Variants in TFEC observed in about 807,000 individuals in gnomAD.
TFEC encodes the protein class E basic helix-loop-helix protein 34.
Under a neutral mutation model 41.6 loss-of-function variants are expected in TFEC, and 31 were observed. The ratio of observed to expected loss-of-function variants is 0.74; its 90% CI spans 0.56 to 1.01. The LOEUF (loss-of-function observed/expected upper bound fraction) is 1.01, where lower values mean the gene tolerates loss of function less well. Among genes scored for constraint, TFEC ranks in the 50% least tolerant of loss-of-function variants. The pLI, the probability that TFEC is intolerant of heterozygous loss-of-function variation, is 0.00. For synonymous variants in TFEC, 143 were observed against 140.6 expected, an observed-to-expected ratio of 1.02 and a Z score of -0.12; for missense variants, 402 against 404.1, an observed-to-expected ratio of 0.99 and a Z score of 0.04.
chr7:115,985,095 T>C (rs1234489339), intron 1 of TFEC, among the ~76,000 whole-genome samples: 1 of 152,122 alleles, frequency 6.6e-6, no homozygotes. Context: ...ATTTTTTTAA[T>C]CTTATTTTTA....
At chr7:116,031,688 T>G (rs143581010), upstream of TFEC, among the ~76,000 whole-genome samples, 153 of 152,296 alleles carry the variant, frequency 1.0e-3, no homozygotes, top group Non-Finnish European at 1.0e-3. Context: ...AATTGTGCAA[T>G]TAAATTGACA....
intron 1 of TFEC, among the ~76,000 whole-genome samples, chr7:116,136,584 A>T (rs1798436547): frequency 6.6e-6 from 1 of 151,962 alleles, no homozygotes; most frequent in South Asian, 2.1e-4. Flanking sequence ...TTAATAAATC[A>T]TAGTATGTTT....
intron 3 of TFEC, among the ~76,000 whole-genome samples, chr7:116,085,111 A>G (rs772181221): frequency 8.6e-5 from 13 of 151,890 alleles, no homozygotes; most frequent in Non-Finnish European, 1.5e-4. Flanking sequence ...CAGAAGGAAC[A>G]GCATATGCAA....
chr7:116,149,591 T>C (rs1481820993), intron 1 of TFEC, among the ~76,000 whole-genome samples: 1 of 152,186 alleles, frequency 6.6e-6, no homozygotes, highest in South Asian at 2.1e-4. Context: ...GAAATTGTAT[T>C]CCTCAATGTA....
At chr7:116,158,625 T>C (rs1798916417) in intron 1 of TFEC, among the ~76,000 whole-genome samples, 1 of 152,134 alleles carries the variant, frequency 6.6e-6, no homozygotes, top group Non-Finnish European at 1.5e-5. Flanking sequence ...AAAAATTTGA[T>C]GTTCTGAAGT....
chr7:115,980,951 A>T (rs2130652281), intron 2 of TFEC, among the ~76,000 whole-genome samples: 1 of 152,262 alleles, frequency 6.6e-6, no homozygotes, highest in East Asian at 1.9e-4. Context: ...ATTGCATAAG[A>T]TTATATGAGA....
At position 116,128,185 on chromosome 7, in the gene TFEC, T is replaced by TCCCA. The variant is rs563041465; in HGVS notation, c.-68-16151_-68-16148dup. Among the ~76,000 whole-genome samples, 35 of 152,232 alleles carry TCCCA rather than the reference T, an allele frequency of 2.3e-4. No homozygotes were observed. In the South Asian group the frequency reaches 7.2e-3, roughly 32 times the overall value. On this transcript the variant is annotated intron_variant, in intron 1 of 8. Coordinates refer to the TFEC transcript ENST00000484212. ...AGGAAGTTTAACCAGGTTAAACCACTCCCAGCAAAACATAATATATGAAAC... is the reference window on the plus strand; with the variant it reads ...AGGAAGTTTAACCAGGTTAAACCACTCCCACCCAGCAAAACATAATATATGAAAC...
intron 3 of TFEC, among the ~76,000 whole-genome samples, chr7:116,038,928 T>C (rs1437192702): frequency 6.6e-6 from 1 of 152,104 alleles, no homozygotes; most frequent in Non-Finnish European, 1.5e-5. Flanking sequence ...GGAGGCTCCA[T>C]CTCCAAATAT....
At chr7:115,985,506 G>A (rs1319629629) in intron 1 of TFEC, among the ~76,000 whole-genome samples, 1 of 152,032 alleles carries the variant, frequency 6.6e-6, no homozygotes, top group Admixed American at 6.6e-5. Flanking sequence ...GCTGTACAGT[G>A]CTTATTTTTC....
At chr7:116,153,925 G>GA (rs1269962985) in intron 1 of TFEC, among the ~76,000 whole-genome samples, 3 of 152,182 alleles carry the variant, frequency 2.0e-5, no homozygotes, top group Non-Finnish European at 4.4e-5. Context: ...TGGAATCATA[G>GA]AAAAAGGAAG....
chr7:116,089,607 G>GTATATA (rs10641524), intron 3 of TFEC, among the ~76,000 whole-genome samples: 16 of 151,530 alleles, frequency 1.1e-4, no homozygotes, highest in African/African-American at 3.6e-4. Flanking sequence ...AAGAATGTAA[G>GTATATA]TATATATATG....
intron 1 of TFEC, among the ~76,000 whole-genome samples, chr7:116,011,936 A>G (rs2130817477): frequency 6.6e-6 from 1 of 152,322 alleles, no homozygotes. Context: ...CTGCAGCCTC[A>G]GCCAAAGCAG....
At chr7:116,050,590 C>T (rs1396999361) in intron 3 of TFEC, among the ~76,000 whole-genome samples, 2 of 152,192 alleles carry the variant, frequency 1.3e-5, no homozygotes, top group Non-Finnish European at 1.5e-5. Flanking sequence ...ATCAAAACCA[C>T]AATGAGATAC....
At chr7:116,146,072 T>C (rs1046091205) in intron 1 of TFEC, among the ~76,000 whole-genome samples, 1 of 152,264 alleles carries the variant, frequency 6.6e-6, no homozygotes, top group Middle Eastern at 3.4e-3. Context: ...AACCTACGAG[T>C]ACAGTATACC....
chr7:116,051,063 C>T (rs945410360), intron 3 of TFEC, among the ~76,000 whole-genome samples: 11 of 152,122 alleles, frequency 7.2e-5, no homozygotes, highest in South Asian at 2.1e-4. Context: ...AACCAAACAC[C>T]GCATGTCCTC....
chr7:116,150,156 T>A (rs1372464575), intron 1 of TFEC, among the ~76,000 whole-genome samples: 1 of 152,188 alleles, frequency 6.6e-6, no homozygotes, highest in African/African-American at 2.4e-5. Flanking sequence ...TTTTAACAAC[T>A]ATAAAAGTAT....
chr7:116,051,646 GTATCTACACACATAT>G (rs1318592788), intron 3 of TFEC, among the ~76,000 whole-genome samples: 3 of 151,876 alleles, frequency 2.0e-5, no homozygotes, highest in Non-Finnish European at 4.4e-5. Context: ...GTGTGCTTAT[GTATCTACACACATAT>G]ATATGAATCT....
intron 1 of TFEC, among the ~76,000 whole-genome samples, chr7:116,134,813 ATACT>A (rs1299678805): frequency 6.6e-6 from 1 of 152,164 alleles, no homozygotes; most frequent in Non-Finnish European, 1.5e-5. Context: ...TGCACCAATT[ATACT>A]TAAAGTATTA....
intron 3 of TFEC, among the ~76,000 whole-genome samples, chr7:116,047,896 C>T (rs1052046916): frequency 1.1e-4 from 16 of 152,302 alleles, no homozygotes; most frequent in African/African-American, 3.4e-4. Flanking sequence ...CTCCAGCAAA[C>T]TCCAACAGAC....
Sources: gnomAD v4.1 joint callset for allele counts (sites outside exome capture counted in the v4.1 genomes callset) on GRCh38, gnomAD v4.1.1 for gene constraint, MANE v1.5 for transcripts, NCBI Gene and HGNC (gene_info 2026-07-23, HGNC 2026-07-21) for gene names.